SERPINI1: variants seen among roughly 807,000 people sequenced by gnomAD.
SERPINI1 encodes the protein serpin family I member 1.
In SERPINI1, 19 loss-of-function variants were observed where a neutral mutation model predicts 41.1. The observed-to-expected ratio is 0.46, with a 90% CI of 0.32 to 0.68. The LOEUF (loss-of-function observed/expected upper bound fraction) is 0.68, where lower values mean the gene tolerates loss of function less well. Among genes scored for constraint, SERPINI1 ranks in the 30% least tolerant of loss-of-function variants. The pLI, the probability that SERPINI1 is intolerant of heterozygous loss-of-function variation, is 0.03. For missense variants in SERPINI1, 460 were observed against 479.2 expected, an observed-to-expected ratio of 0.96 and a Z score of 0.37; for synonymous variants, 138 against 156.6, an observed-to-expected ratio of 0.88 and a Z score of 0.89.
At chr3:167,824,907 A>G (rs1712461991) in intron 8 of SERPINI1, among the ~76,000 whole-genome samples, 1 of 152,168 alleles carries the variant, frequency 6.6e-6, no homozygotes, top group Non-Finnish European at 1.5e-5. Context: ...TTAGCCAGGC[A>G]TGGTGGCACA....
intron 1 of SERPINI1, among the ~76,000 whole-genome samples, chr3:167,778,537 G>C (rs577676637): frequency 3.3e-5 from 5 of 152,172 alleles, no homozygotes; most frequent in African/African-American, 7.2e-5. Context: ...GGGTCCGTTC[G>C]TTTGTGTGAA....
chr3:167,747,656 A>ACAG (rs1399873600), intron 1 of SERPINI1, among the ~76,000 whole-genome samples: 1 of 152,000 alleles, frequency 6.6e-6, no homozygotes, highest in African/African-American at 2.4e-5. Flanking sequence ...AACAACAACA[A>ACAG]CAACAACAAA....
At chr3:167,793,596 A>ATATATATATATATTTTTT in intron 4 of SERPINI1, among the ~76,000 whole-genome samples, 85 of 140,594 alleles carry the variant, frequency 6.0e-4, no homozygotes, top group African/African-American at 1.9e-3. Flanking sequence ...ATATATATAT[A>ATATATATATATATTTTTT]TTTTTAATTA....
At chr3:167,820,666 AG>A (rs1172831251) in intron 6 of SERPINI1, among the ~76,000 whole-genome samples, 59 of 152,302 alleles carry the variant, frequency 3.9e-4, no homozygotes, top group African/African-American at 1.3e-3. Context: ...AGCTCAGTGC[AG>A]GCCTGCAGGC....
chr3:167,817,764 A>AT (rs11418657), intron 6 of SERPINI1, among the ~76,000 whole-genome samples: 45,548 of 149,574 alleles, frequency 0.3, 8,724 homozygotes, highest in African/African-American at 0.55. Context: ...CGCCTGGCTA[A>AT]TTTTTTTTGT....
chr3:167,797,985 A>G lies in SERPINI1; in HGVS notation c.881+3161A>G, dbSNP rs143569618. On this transcript the variant is annotated intron_variant, in intron 5 of 8. Transcript: ENST00000446050. ...TTTGATAAAATGAGAAATTCAGTAC[A>G]GTGTTAATGCTTCTCTTATTAAATC... Among the ~76,000 whole-genome samples, 613 of 152,268 alleles carry G rather than the reference A, an allele frequency of 4.0e-3. 4 individuals carry two copies. Among genetic ancestry groups the G allele is most frequent in the African/African-American group, 0.014 (592 of 41,564 alleles).
intron 1 of SERPINI1, among the ~76,000 whole-genome samples, chr3:167,766,049 G>T (rs564718705): frequency 6.6e-6 from 1 of 152,176 alleles, no homozygotes; most frequent in South Asian, 2.1e-4. Context: ...ACACTTCCCT[G>T]TCTTCTTCTG....
chr3:167,780,831 G>A (rs1292126266), intron 1 of SERPINI1, among the ~76,000 whole-genome samples: 1 of 152,154 alleles, frequency 6.6e-6, no homozygotes, highest in South Asian at 2.1e-4. Context: ...GAAAACTACT[G>A]TGAGAGGCAG....
chr3:167,824,604 AAAGAACCTC>A (rs2108576171), intron 8 of SERPINI1, 42 bp downstream of exon 8: 1 of 1,271,040 alleles, frequency 7.9e-7, no homozygotes, highest in East Asian at 2.3e-5. Flanking sequence ...AATAGGTCAC[AAAGAACCTC>A]TTTTTTAAAT....
chr3:167,736,211 CT>C (rs980250745), intron 1 of SERPINI1: 8 of 152,152 alleles, frequency 5.3e-5, no homozygotes, highest in African/African-American at 1.9e-4. Flanking sequence ...AGGAAAATAA[CT>C]TTGCATTCTT....
chr3:167,824,738 AT>A (rs998935817), intron 8 of SERPINI1, among the ~76,000 whole-genome samples, 176 bp downstream of exon 8: 25 of 151,908 alleles, frequency 1.6e-4, no homozygotes, highest in Admixed American at 8.5e-4. Context: ...TGTTGAAATG[AT>A]TTTTTTTAAT....
intron 6 of SERPINI1, among the ~76,000 whole-genome samples, chr3:167,810,259 T>C (rs1297240041): frequency 6.6e-6 from 1 of 152,174 alleles, no homozygotes; most frequent in Non-Finnish European, 1.5e-5. Flanking sequence ...TGATGATTAA[T>C]GTCTATAACT....
chr3:167,789,182 G>A lies in SERPINI1; in HGVS notation c.54G>A (p.Gly18=), dbSNP rs1727412841. The change falls in exon 2 of 9, where the codon GGG becomes GGA. Residue 18 remains glycine (G), a synonymous_variant. Coordinates refer to ENST00000446050, the MANE Select transcript of SERPINI1 (RefSeq NM_001122752.2). ...SLLVLQSMAT[G]ATFPEEAIAD... ...TGGTTCTGCAAAGTATGGCTACAGG[G>A]GCCACTTTCCCTGAGGAAGCCATTG... The A allele has an allele frequency of 2.5e-6, 4 of 1,614,060 alleles. No homozygotes were observed. The highest frequency in any genetic ancestry group is 2.2e-5 in the East Asian group (1 of 44,878).
chr3:167,741,873 C>A (rs1725686624), intron 1 of SERPINI1, among the ~76,000 whole-genome samples: 1 of 151,908 alleles, frequency 6.6e-6, no homozygotes, highest in African/African-American at 2.4e-5. Flanking sequence ...TATATAATAC[C>A]AGTAATGTCA....
At chr3:167,774,350 C>A (rs975581811) in intron 1 of SERPINI1, among the ~76,000 whole-genome samples, 3 of 152,038 alleles carry the variant, frequency 2.0e-5, no homozygotes, top group Non-Finnish European at 4.4e-5. Context: ...TTCATCTTAC[C>A]AAAAGGGCCC....
At chr3:167,820,136 C>A (rs571722061) in intron 6 of SERPINI1, among the ~76,000 whole-genome samples, 18 of 152,192 alleles carry the variant, frequency 1.2e-4, no homozygotes, top group Non-Finnish European at 2.4e-4. Flanking sequence ...CTTCTGAGGC[C>A]TCCCTTCTTG....
At chr3:167,760,704 G>T (rs551611113) in intron 1 of SERPINI1, among the ~76,000 whole-genome samples, 1 of 151,802 alleles carries the variant, frequency 6.6e-6, no homozygotes, top group Non-Finnish European at 1.5e-5. Context: ...CAAAGATTAC[G>T]CAATTCAGAT....
chr3:167,778,837 T>C (rs1727035407), intron 1 of SERPINI1, among the ~76,000 whole-genome samples: 1 of 152,200 alleles, frequency 6.6e-6, no homozygotes, highest in African/African-American at 2.4e-5. Context: ...ATCATTGCTT[T>C]AAAGTTAAGC....
In SERPINI1 at chr3:167,744,456, A is replaced by G. The variant is rs554397776; in HGVS notation, c.-19+8633A>G. ...TAAAATAATGTTCAGGACACTAGGA[A>G]GGGTATCATCTAATTGTGAGAAATT... On this transcript the variant is annotated intron_variant, in intron 1 of 8. Transcript: ENST00000446050. 4.0e-5 allele frequency among the ~76,000 whole-genome samples: 6 copies of G among 151,288 alleles called. No individual in the cohort carries two copies. The East Asian group carries it at 1.2e-3, about 29-fold the overall frequency.
Sources: allele counts gnomAD v4.1 joint callset (sites outside exome capture counted in the v4.1 genomes callset), GRCh38; gene constraint gnomAD v4.1.1; transcripts MANE v1.5; gene names NCBI Gene and HGNC (gene_info 2026-07-23, HGNC 2026-07-21).